PIEZO1: variants seen among roughly 807,000 people sequenced by gnomAD.
The protein encoded by PIEZO1 is piezo type mechanosensitive ion channel component 1 (Er blood group), also known as piezo-type mechanosensitive ion channel component 1.
A neutral mutation model predicts 297.2 loss-of-function variants in PIEZO1; 296 were observed. The observed-to-expected ratio is 1.00, with a 90% CI of 0.91 to 1.10. The LOEUF (loss-of-function observed/expected upper bound fraction) is 1.10, where lower values mean the gene tolerates loss of function less well. Ranked by LOEUF, PIEZO1 falls within the 50% of genes least tolerant of loss-of-function variation. The pLI is 0.00. For missense variants in PIEZO1, 5,018 were observed against 3,455.5 expected (o/e 1.45, Z -11.34); for synonymous variants, 2,427 against 1,507.5 (o/e 1.61, Z -14.13).
chr16:88,731,449 G>A (rs973343948), intron 22 of PIEZO1: 2 of 517,548 alleles, frequency 3.9e-6, no homozygotes, highest in African/African-American at 1.9e-5. Context: ...TTTCCTGAAG[G>A]TTTGAAATAT....
intron 2 of PIEZO1, chr16:88,742,720 C>T: frequency 2.4e-6 from 1 of 418,602 alleles, no homozygotes; most frequent in Non-Finnish European, 4.4e-6. Flanking sequence ...GGGTGTGCTC[C>T]CTCATCCAGC....
intron 1 of PIEZO1, among the ~76,000 whole-genome samples, chr16:88,775,807 G>C (rs889761): frequency 0.26 from 39,865 of 151,628 alleles, 5,517 homozygotes; most frequent in East Asian, 0.36. Flanking sequence ...GGGAGAGTAT[G>C]TGCAGGAGGC....
chr16:88,725,142 G>C (rs749648124), intron 29 of PIEZO1, 62 bp from the exon 30 acceptor site: 4 of 1,167,030 alleles, frequency 3.4e-6, no homozygotes, highest in Non-Finnish European at 2.4e-6. Context: ...TCGGGGCTGT[G>C]AGTGCTCCCG....
At chr16:88,726,132 G>C in intron 27 of PIEZO1, 152 bp downstream of exon 27, 1 of 643,296 alleles carries the variant, frequency 1.6e-6, no homozygotes, top group Non-Finnish European at 2.7e-6. Context: ...GGGATCTGCC[G>C]GCCTTCATTC....
Position 88,727,665 on chromosome 16 carries a change from G to A in PIEZO1, c.3197-4C>T, listed in dbSNP as rs1322828999. 2.1e-6 allele frequency: 3 copies of A among 1,426,944 alleles called. No individual in the cohort carries two copies. Among genetic ancestry groups the A allele is most frequent in the East Asian group, 2.6e-5 (1 of 38,072 alleles). 88.4% of individuals were successfully genotyped at this position (1,426,944 alleles called of 1,614,324 possible). On this transcript the variant is annotated splice_polypyrimidine_tract_variant and splice_region_variant and intron_variant, in intron 22 of 50. Coordinates refer to ENST00000301015, the MANE Select transcript of PIEZO1 (RefSeq NM_001142864.4). ...CGGCTCCAGCGCCAGGGATAATCTG[G>A]GGGAAGGGGTGTCATGTCAGGAAGG... is the stretch of plus-strand genomic sequence containing the variant.
chr16:88,724,399 C>A (rs937482404), intron 30 of PIEZO1, among the ~76,000 whole-genome samples: 1 of 152,042 alleles, frequency 6.6e-6, no homozygotes, highest in African/African-American at 2.4e-5. Context: ...GGCGTGGTGG[C>A]GGGCACCTGT....
At chr16:88,727,273 C>T in intron 23 of PIEZO1, 81 bp from the exon 24 acceptor site, 1 of 1,411,212 alleles carries the variant, frequency 7.1e-7, no homozygotes, top group South Asian at 1.4e-5. Context: ...ACCTCCCACC[C>T]CAGGCCTGTC....
Position 88,717,196 on chromosome 16 carries a change from T to G in PIEZO1, c.6487A>C (p.Lys2163Gln). 3.2e-6 allele frequency: 5 copies of G among 1,549,694 alleles called. No homozygotes were observed. The highest frequency in any genetic ancestry group is 3.5e-6 in the Non-Finnish European group (4 of 1,147,008). ...RETEKKYPQPKGQKKKKIVKY... is the reference protein window; with the variant it reads ...RETEKKYPQPQGQKKKKIVKY... Reference sequence around the variant, plus strand: ...ACGATCTTCTTCTTCTTCTGCCCTTTGGGCTGCGGGTATTTCTGGAGGGGA... The same window carrying G: ...ACGATCTTCTTCTTCTTCTGCCCTTGGGGCTGCGGGTATTTCTGGAGGGGA... The change falls in exon 45 of 51, where the codon AAA becomes CAA. Residue 2163 changes from lysine to glutamine, a missense_variant. Lys to Gln is a moderately conservative substitution (Grantham distance 53). Transcript: ENST00000301015.
intron 23 of PIEZO1, 83 bp downstream of exon 23, chr16:88,727,462 CGTGCACGCCTGT>C (rs1904534732): frequency 4.7e-6 from 3 of 644,548 alleles, no homozygotes; most frequent in African/African-American, 3.7e-5. Context: ...CACCTCCGCC[CGTGCACGCCTGT>C]GTGCACACTT....
chr16:88,752,097 G>A (rs956940347), intron 1 of PIEZO1, among the ~76,000 whole-genome samples: 3 of 152,220 alleles, frequency 2.0e-5, no homozygotes, highest in Admixed American at 6.5e-5. Context: ...TTGGGAAAAC[G>A]AAGAAGTTCT....
Position 88,723,271 on chromosome 16 carries a change from C to T in PIEZO1, c.4393G>A (p.Glu1465Lys). The T allele has an allele frequency of 1.3e-6, 2 of 1,543,164 alleles. No homozygotes were observed. Among genetic ancestry groups the T allele is most frequent in the Non-Finnish European group, 1.7e-6 (2 of 1,146,778 alleles). Residue 1465 changes from glutamate (E) to lysine (K), a missense_variant, in exon 32 of 51, where the codon GAG becomes AAG. Coordinates refer to ENST00000301015, the MANE Select transcript of PIEZO1 (RefSeq NM_001142864.4). ...TGTTCCTGCCTTGCCTGCTCCTGCT[C>T]CTGCTGCCGCCGCCTCAGCACCGCC... The part of the protein sequence containing the change: ...AQAVLRRRQQ[E>K]QEQARQEQAG...
chr16:88,783,255 A>T (rs1325672454), intron 1 of PIEZO1, among the ~76,000 whole-genome samples: 1 of 152,112 alleles, frequency 6.6e-6, no homozygotes, highest in South Asian at 2.1e-4. Flanking sequence ...AGCAAACCAC[A>T]TGTGCCACAG....
intron 2 of PIEZO1, among the ~76,000 whole-genome samples, chr16:88,746,973 G>A (rs1389934341): frequency 6.6e-6 from 1 of 152,192 alleles, no homozygotes; most frequent in Admixed American, 6.5e-5. Flanking sequence ...GCATCCTGGA[G>A]GGGTTTGGGC....
chr16:88,738,031 A>G lies in PIEZO1; in HGVS notation c.923T>C (p.Leu308Pro), dbSNP rs1287179392. ...SPHALVLNTG[L>P]DWPVYASPGV... ...GGGGCTGGCATACACAGGCCAGTCC[A>G]GGCCGGTGTTGAGGACCAGCGCGTG... Residue 308 changes from leucine (L) to proline (P), a missense_variant, in exon 8 of 51, where the codon CTG becomes CCG. Transcript: ENST00000301015. 2.6e-6 allele frequency: 4 copies of G among 1,535,722 alleles called. No individual in the cohort carries two copies. In the South Asian group the frequency reaches 3.6e-5, roughly 14 times the overall value.
In PIEZO1 at chr16:88,733,636, G is replaced by T. The variant is rs763571494; in HGVS notation, c.2439C>A (p.His813Gln). The T allele has an allele frequency of 6.5e-7, 1 of 1,549,692 alleles. No individual in the cohort carries two copies. Among genetic ancestry groups the T allele is most frequent in the South Asian group, 1.2e-5 (1 of 84,008 alleles). ...QVFLRRLLEL[H>Q]VFKLVALYTV... is the part of the protein sequence containing the mutation. ...TGTACAGGGCCACCAGCTTGAAAAC[G>T]TGAAGCTCCAGCAGCCGCCGCAGGA... is the stretch of plus-strand genomic sequence containing the variant. The change falls in exon 18 of 51, where the codon CAC (histidine) becomes CAA (glutamine). Residue 813 changes from histidine (H) to glutamine (Q), a missense_variant. Transcript: ENST00000301015.
chr16:88,723,758 T>G (rs1597447188), intron 31 of PIEZO1, 113 bp downstream of exon 31: 1 of 640,388 alleles, frequency 1.6e-6, no homozygotes, highest in Non-Finnish European at 2.8e-6. Flanking sequence ...TAACTGGAGG[T>G]GGAGGAGCTC....
chr16:88,721,870 C>T lies in PIEZO1; in HGVS notation c.5152G>A (p.Ala1718Thr). 1 of 1,549,996 alleles carries T rather than the reference C, an allele frequency of 6.5e-7. No individual in the cohort carries two copies. Among genetic ancestry groups the T allele is most frequent in the Non-Finnish European group, 8.7e-7 (1 of 1,146,778 alleles). ...CTGGGCCTCGGGATCGACAGCATGG[C>T]CCACAGGAAGACGAGCACGGGCAGC... ...LVLPVLVFLW[A>T]MLSIPRPSKR... is the part of the protein sequence containing the mutation. The change falls in exon 37 of 51, where the codon GCC becomes ACC. Residue 1718 changes from alanine (A) to threonine (T), a missense_variant. Ala to Thr is a moderately conservative substitution (Grantham distance 58, BLOSUM62 0). Coordinates refer to ENST00000301015, the MANE Select transcript of PIEZO1 (RefSeq NM_001142864.4).
At chr16:88,742,462 G>T (rs111990115) in intron 2 of PIEZO1, 40 bp from the exon 3 acceptor site, 2 of 1,528,140 alleles carry the variant, frequency 1.3e-6, no homozygotes, top group Admixed American at 4.0e-5. Flanking sequence ...CCCGGGGACG[G>T]GGAGGGGCCG....
rs887981494 is a variant in PIEZO1, at chr16:88,723,099, C to T, written c.4491G>A (p.Ala1497=). Reference sequence around the variant, plus strand: ...CCCAGCCCCGGGCCCACGTACCTGCCGCTGCCTCCTCGGGGCCCTCTGCTG... The same window carrying T: ...CCCAGCCCCGGGCCCACGTACCTGCTGCTGCCTCCTCGGGGCCCTCTGCTG... The part of the protein sequence containing the change: ...VEPAEGPEEA[A]AGRSHVVQRV... Residue 1497 remains alanine (A), a synonymous_variant, in exon 33 of 51, where the codon GCG becomes GCA. Transcript: ENST00000301015. The T allele has an allele frequency of 3.6e-5, 55 of 1,547,976 alleles. 1 individual carries two copies. Among genetic ancestry groups the T allele is most frequent in the African/African-American group, 1.4e-4 (10 of 73,022 alleles).
Sources: allele counts gnomAD v4.1 joint callset (sites outside exome capture counted in the v4.1 genomes callset), GRCh38; gene constraint gnomAD v4.1.1; transcripts MANE v1.5; gene names NCBI Gene and HGNC (gene_info 2026-07-23, HGNC 2026-07-21).